The following HSF2 variants were observed in gnomAD, a reference collection of about 807,000 sequenced individuals.
HSF2 encodes the protein heat shock factor protein 2.
HSF2 carries 21 observed loss-of-function variants against 65.0 expected under a neutral mutation model. That is an observed-to-expected ratio of 0.32 (90% CI 0.23 to 0.47). The LOEUF (loss-of-function observed/expected upper bound fraction) is 0.47, where lower values mean the gene tolerates loss of function less well. Among genes scored for constraint, HSF2 ranks in the 20% least tolerant of loss-of-function variants. The pLI is 1.00. For missense variants in HSF2, 499 were observed against 628.1 expected, an observed-to-expected ratio of 0.79 and a Z score of 2.20; for synonymous variants, 225 against 219.1, an observed-to-expected ratio of 1.03 and a Z score of -0.24.
At chr6:122,422,431 A>G in intron 8 of HSF2, 133 bp downstream of exon 8, 1 of 802,266 alleles carries the variant, frequency 1.2e-6, no homozygotes, top group South Asian at 1.6e-5. Context: ...TTGATAATTA[A>G]GCTAAATTAT....
At position 122,431,509 on chromosome 6, in the gene HSF2, A is replaced by G; in HGVS notation, c.1310A>G (p.Lys437Arg). 1 of 1,558,826 alleles carries G rather than the reference A, an allele frequency of 6.4e-7. No individual in the cohort carries two copies. The highest frequency in any genetic ancestry group is 1.1e-5 in the South Asian group (1 of 88,144). The change falls in exon 12 of 13, where the codon AAA becomes AGA. Residue 437 changes from lysine to arginine, a missense_variant. Physicochemically the swap from Lys to Arg is conservative, Grantham distance 26. Around this residue, in one of 2 missense-constraint regions of HSF2, gnomAD observed 349 missense variants for 393.5 expected, o/e 0.89. Transcript: ENST00000368455. ...GAAGAGGGAAGAAAATCTAAATCCAAACCAGGTAGGTATAAATATAGTATT... is the reference window on the plus strand; with the variant it reads ...GAAGAGGGAAGAAAATCTAAATCCAGACCAGGTAGGTATAAATATAGTATT... ...VSEEGRKSKS[K>R]PDKQLIQYTA...
chr6:122,406,273 C>G (rs1773864636), intron 1 of HSF2, among the ~76,000 whole-genome samples: 1 of 152,102 alleles, frequency 6.6e-6, no homozygotes, highest in African/African-American at 2.4e-5. Flanking sequence ...GAAAGCCTCT[C>G]CAAGGAGACG....
intron 10 of HSF2, among the ~76,000 whole-genome samples, chr6:122,426,226 G>A (rs1445161740): frequency 1.3e-5 from 2 of 152,064 alleles, no homozygotes; most frequent in Non-Finnish European, 2.9e-5. Context: ...TGGTAAGAAT[G>A]TGAATAAGTG....
At chr6:122,399,595 G>A (rs1773661760), upstream of HSF2, 11 of 650,394 alleles carry the variant, frequency 1.7e-5, no homozygotes, top group Non-Finnish European at 2.8e-5. Flanking sequence ...GCCTTGCCGC[G>A]CGCCTGGCGG....
chr6:122,429,742 C>T (rs1333575621), intron 11 of HSF2, among the ~76,000 whole-genome samples: 1 of 152,034 alleles, frequency 6.6e-6, no homozygotes, highest in Admixed American at 6.6e-5. Flanking sequence ...TTATTAAAGG[C>T]TTTTCTGCAT....
intron 3 of HSF2, among the ~76,000 whole-genome samples, chr6:122,413,306 T>C (rs905929731): frequency 9.2e-6 from 1 of 108,560 alleles, no homozygotes; most frequent in African/African-American, 3.4e-5. Flanking sequence ...GCGGAAACTT[T>C]TTAACATTAA....
At chr6:122,416,135 G>A (rs928036802) in intron 4 of HSF2, 86 bp from the exon 5 acceptor site, 1 of 808,014 alleles carries the variant, frequency 1.2e-6, no homozygotes, top group Admixed American at 2.2e-5. Flanking sequence ...TAGTTCAGTT[G>A]TCTGGTATTC....
At chr6:122,419,257 C>T in intron 6 of HSF2, 28 bp downstream of exon 6, 2 of 1,149,382 alleles carry the variant, frequency 1.7e-6, no homozygotes, top group Non-Finnish European at 2.6e-6. Flanking sequence ...AGTATTATGT[C>T]CTGTATATAG....
chr6:122,423,050 G>C, intron 9 of HSF2, 93 bp downstream of exon 9: 1 of 1,378,916 alleles, frequency 7.3e-7, no homozygotes, highest in Non-Finnish European at 1.0e-6. Context: ...CCTTTCAGAT[G>C]ATGAACCCAC....
chr6:122,404,096 C>G (rs1773806514), intron 1 of HSF2, among the ~76,000 whole-genome samples: 1 of 152,118 alleles, frequency 6.6e-6, no homozygotes, highest in South Asian at 2.1e-4. Flanking sequence ...GACTTCATAC[C>G]CAGCTTTCCC....
At chr6:122,431,042 T>A (rs529871968) in intron 11 of HSF2, among the ~76,000 whole-genome samples, 14 of 152,312 alleles carry the variant, frequency 9.2e-5, no homozygotes, top group African/African-American at 2.9e-4. Context: ...ATACATTTTT[T>A]AAATCAAAAC....
chr6:122,418,570 C>G (rs1264264050), intron 5 of HSF2, among the ~76,000 whole-genome samples: 1 of 152,116 alleles, frequency 6.6e-6, no homozygotes, highest in Non-Finnish European at 1.5e-5. Context: ...ACAGATAGGT[C>G]TCAACATTAA....
intron 11 of HSF2, among the ~76,000 whole-genome samples, chr6:122,430,239 G>A (rs1036872898): frequency 9.9e-5 from 15 of 152,222 alleles, no homozygotes; most frequent in African/African-American, 3.6e-4. Context: ...TCTTGGGAGG[G>A]TGTATGTGTC....
intron 3 of HSF2, 56 bp downstream of exon 3, chr6:122,412,820 A>G (rs943133247): frequency 6.5e-5 from 100 of 1,530,460 alleles, no homozygotes; most frequent in Admixed American, 1.2e-4. Context: ...GTGCTTGGCC[A>G]AGATTTTTAT....
intron 9 of HSF2, among the ~76,000 whole-genome samples, chr6:122,423,164 C>G (rs1373219789): frequency 1.3e-5 from 2 of 152,000 alleles, no homozygotes; most frequent in Admixed American, 1.3e-4. Context: ...TTCTCAGATT[C>G]CTTTGATGAT....
At chr6:122,406,583 A>G (rs1207616024) in intron 1 of HSF2, among the ~76,000 whole-genome samples, 1 of 152,220 alleles carries the variant, frequency 6.6e-6, no homozygotes, top group Non-Finnish European at 1.5e-5. Flanking sequence ...ATTGAGATGT[A>G]GCTTTGAAAT....
chr6:122,426,517 G>C (rs1019699195), intron 10 of HSF2, among the ~76,000 whole-genome samples: 2 of 152,020 alleles, frequency 1.3e-5, no homozygotes, highest in Admixed American at 6.6e-5. Context: ...AGGCTTCTTA[G>C]GCAGTGATAA....
At chr6:122,416,427 T>TA (rs1774131280) in intron 5 of HSF2, 131 bp downstream of exon 5, 1 of 508,898 alleles carries the variant, frequency 2.0e-6, no homozygotes, top group South Asian at 3.8e-5. Context: ...CAGATAGAAG[T>TA]AAAAAATGAA....
chr6:122,412,509 T>A lies in HSF2; in HGVS notation c.202+28T>A, dbSNP rs772427070. On this transcript the variant is annotated intron_variant, in intron 2 of 12. Transcript: ENST00000368455. ...GAGTATGGACAGCAGTTTATTGGAGTACCATTATCAGCTACTGATGAAGCC... is the reference window on the plus strand; with the variant it reads ...GAGTATGGACAGCAGTTTATTGGAGAACCATTATCAGCTACTGATGAAGCC... The A allele has an allele frequency of 2.5e-5, 39 of 1,540,820 alleles. No individual in the cohort carries two copies. The East Asian group carries it at 8.6e-4, about 34-fold the overall frequency.
Sources: gnomAD v4.1 joint callset for allele counts (sites outside exome capture counted in the v4.1 genomes callset) on GRCh38, gnomAD v4.1.1 for gene constraint, gnomAD v4.1.1 regional missense constraint, MANE v1.5 for transcripts, NCBI Gene and HGNC (gene_info 2026-07-23, HGNC 2026-07-21) for gene names.